Variants in MON2 observed in about 807,000 individuals in gnomAD.
MON2 encodes MON2 regulator of endosome-to-Golgi trafficking.
In MON2, 84 loss-of-function variants were observed where a neutral mutation model predicts 208.6. The observed-to-expected ratio is 0.40, with a 90% CI of 0.34 to 0.48. The LOEUF (loss-of-function observed/expected upper bound fraction) is 0.48, where lower values mean the gene tolerates loss of function less well. MON2 is among the 20% of genes least tolerant of loss of function. MON2 has a pLI of 0.59. For missense variants in MON2, 1,611 were observed against 2,015.4 expected (o/e 0.80, Z 3.84); for synonymous variants, 660 against 694.0 (o/e 0.95, Z 0.77).
chr12:62,549,783 C>A lies in MON2; in HGVS notation c.2869C>A (p.Leu957Ile). Residue 957 changes from leucine (L) to isoleucine (I), a missense_variant, in exon 23 of 35, where the codon CTC becomes ATC. Physicochemically the swap from Leu to Ile is conservative, Grantham distance 5 (BLOSUM62 2). Coordinates refer to ENST00000393630, the MANE Select transcript of MON2 (RefSeq NM_015026.3). ...IVVDVAGSFGLHNQELNISLT... is the reference protein window; with the variant it reads ...IVVDVAGSFGIHNQELNISLT... ...TGTAGATGTTGCAGGTAGCTTTGGC[C>A]TCCATAACCAAGAACTCAATATTAG... 1.2e-6 allele frequency: 2 copies of A among 1,611,962 alleles called. No individual in the cohort carries two copies. The highest frequency in any genetic ancestry group is 2.2e-5 in the South Asian group (2 of 90,672).
At chr12:62,505,949 A>G (rs758339283) in intron 7 of MON2, among the ~76,000 whole-genome samples, 1 of 152,098 alleles carries the variant, frequency 6.6e-6, no homozygotes, top group Non-Finnish European at 1.5e-5. Flanking sequence ...AACTGGAAAG[A>G]CTGGAAAATG....
rs869145698 is a variant in MON2, at chr12:62,534,518, CAAA to C, written c.1634-304_1634-302del. On this transcript the variant is annotated intron_variant, in intron 12 of 34. Transcript: ENST00000393630. ...TGGGCAACAGAGCAAGACTCCATCGCAAAAAAAAAAAAAAAAAAAAAAAAATAT... is the reference window on the plus strand; with the variant it reads ...TGGGCAACAGAGCAAGACTCCATCGCAAAAAAAAAAAAAAAAAAAAAATAT... Among the ~76,000 whole-genome samples, 8 of 67,436 alleles carry C rather than the reference CAAA, an allele frequency of 1.2e-4. No homozygotes were observed. The East Asian group carries it at 1.7e-3, about 14-fold the overall frequency. The allele number at this position is 67,436 out of a possible 152,430, so 44.2% of individuals were successfully genotyped here. A position where few individuals can be genotyped will look rare whatever the true frequency, so the allele number is the denominator to read the frequency against.
At chr12:62,555,882 C>T (rs1029615807) in intron 24 of MON2, 112 bp from the exon 25 acceptor site, 25 of 735,444 alleles carry the variant, frequency 3.4e-5, no homozygotes, top group Non-Finnish European at 5.2e-5. Context: ...ATTGATAAGA[C>T]TGTCAAGTAT....
intron 24 of MON2, 99 bp downstream of exon 24, chr12:62,553,273 T>G: frequency 8.7e-7 from 1 of 1,149,094 alleles, no homozygotes; most frequent in South Asian, 1.7e-5. Context: ...TTAAAGAATT[T>G]CCATGCATTT....
chr12:62,539,324 G>T (rs530268858), intron 19 of MON2, among the ~76,000 whole-genome samples: 2 of 151,138 alleles, frequency 1.3e-5, no homozygotes, highest in East Asian at 3.9e-4. Context: ...CTAGAGTGCA[G>T]TGGCGCAATC....
At chr12:62,529,485 G>C (rs2072514087) in intron 11 of MON2, among the ~76,000 whole-genome samples, 1 of 151,978 alleles carries the variant, frequency 6.6e-6, no homozygotes, top group South Asian at 2.1e-4. Flanking sequence ...TGATGATTCA[G>C]AAACTTTAAG....
At position 62,598,437 on chromosome 12, in the gene MON2, A is replaced by T. The variant is rs1467588591; in HGVS notation, c.*5688A>T. 6.6e-6 allele frequency: 1 copy of T among 152,182 alleles called. No homozygotes were observed. The highest frequency in any genetic ancestry group is 1.5e-5 in the Non-Finnish European group (1 of 68,010). 9.4% of individuals were successfully genotyped at this position (152,182 alleles called of 1,614,324 possible). The stretch of plus-strand genomic sequence containing the variant: ...TCTATGATGTTTACTAGATGGAGAA[A>T]AATACTCCATACCTATATTGCAATT... On this transcript the variant is annotated 3_prime_UTR_variant, in exon 35 of 35. Transcript: ENST00000393630.
At chr12:62,509,703 G>A (rs2071293943) in intron 8 of MON2, among the ~76,000 whole-genome samples, 1 of 152,076 alleles carries the variant, frequency 6.6e-6, no homozygotes, top group Non-Finnish European at 1.5e-5. Flanking sequence ...TATCTTCTGT[G>A]ACCAAAATGG....
chr12:62,541,016 A>G (rs1236134467), intron 19 of MON2, among the ~76,000 whole-genome samples: 6 of 152,214 alleles, frequency 3.9e-5, no homozygotes, highest in Non-Finnish European at 8.8e-5. Context: ...GTGTGGCTTT[A>G]CAGTGATCAG....
chr12:62,479,443 C>A (rs1290850148), intron 1 of MON2, among the ~76,000 whole-genome samples: 4 of 138,722 alleles, frequency 2.9e-5, no homozygotes, highest in Non-Finnish European at 3.2e-5. Context: ...CCCCCCCCCC[C>A]CCAAATATTT....
At chr12:62,469,428 G>C (rs566174774) in intron 1 of MON2, among the ~76,000 whole-genome samples, 9 of 152,300 alleles carry the variant, frequency 5.9e-5, no homozygotes, top group Admixed American at 4.6e-4. Context: ...TAGTCTTTGA[G>C]ATAATAGCAA....
chr12:62,474,255 A>G (rs1336452921), intron 1 of MON2, among the ~76,000 whole-genome samples: 1 of 151,650 alleles, frequency 6.6e-6, no homozygotes, highest in Non-Finnish European at 1.5e-5. Context: ...AGTAGCTGGG[A>G]TTACAGGCGC....
At chr12:62,580,463 T>C (rs2074962773) in intron 32 of MON2, 43 bp downstream of exon 32, 3 of 1,490,864 alleles carry the variant, frequency 2.0e-6, no homozygotes, top group Non-Finnish European at 2.8e-6. Flanking sequence ...TGAAGTACTT[T>C]TGAAGAAACT....
chr12:62,497,576 T>C (rs139934306), intron 4 of MON2, among the ~76,000 whole-genome samples: 37 of 152,270 alleles, frequency 2.4e-4, no homozygotes, highest in African/African-American at 8.9e-4. Flanking sequence ...GGCAGAAGTG[T>C]AAAATTGTAA....
At chr12:62,547,135 AT>A in intron 22 of MON2, 63 bp downstream of exon 22, 1 of 1,117,538 alleles carries the variant, frequency 8.9e-7, no homozygotes, top group Non-Finnish European at 1.2e-6. Context: ...ATAAAATAAA[AT>A]TAACATCAAA....
chr12:62,534,845 T>C lies in MON2; in HGVS notation c.1634T>C (p.Val545Ala). Residue 545 changes from valine to alanine, a missense_variant and splice_region_variant, in exon 13 of 35, where the codon GTT becomes GCT. Coordinates refer to ENST00000393630, the MANE Select transcript of MON2 (RefSeq NM_015026.3). ...ATATTGTATGTTTTTTTCCTTTAAG[T>C]TAGTAGGGCTGTTTGGGAAGAAATG... Reference protein sequence around the residue: ...STSDQMDKEIVSRAVWEEMVN... With the variant: ...STSDQMDKEIASRAVWEEMVN... The C allele has an allele frequency of 1.2e-6, 2 of 1,607,424 alleles. No homozygotes were observed. The highest frequency in any genetic ancestry group is 1.7e-6 in the Non-Finnish European group (2 of 1,174,626).
At chr12:62,537,057 C>T (rs1436239060) in intron 14 of MON2, 94 bp from the exon 15 acceptor site, 1 of 693,070 alleles carries the variant, frequency 1.4e-6, no homozygotes, top group Non-Finnish European at 2.3e-6. Flanking sequence ...AAGTGTATGG[C>T]TAAACTTGGT....
Position 62,596,181 on chromosome 12 carries a change from A to G in MON2, c.*3432A>G, listed in dbSNP as rs989708928. ...AGTTATGGAACAGTGTTAGAAAACA[A>G]CTCAAAAGTATATTCTTTATTAATG... On this transcript the variant is annotated 3_prime_UTR_variant, in exon 35 of 35. Coordinates refer to ENST00000393630, the MANE Select transcript of MON2 (RefSeq NM_015026.3). The G allele has an allele frequency of 6.6e-6, 1 of 152,214 alleles. No homozygotes were observed. The highest frequency in any genetic ancestry group is 2.4e-5 in the African/African-American group (1 of 41,450). 9.4% of individuals were successfully genotyped at this position (152,214 alleles called of 1,614,324 possible).
rs542470874 is a variant in MON2, at chr12:62,525,853, A to T, written c.1247-96A>T. 4.3e-6 allele frequency: 5 copies of T among 1,159,030 alleles called. No homozygotes were observed. In the South Asian group the frequency reaches 5.9e-5, roughly 14 times the overall value. The allele number at this position is 1,159,030 out of a possible 1,614,324, so 71.8% of individuals were successfully genotyped here. A position where few individuals can be genotyped will look rare whatever the true frequency, so the allele number is the denominator to read the frequency against. On this transcript the variant is annotated intron_variant, in intron 10 of 34. Coordinates refer to ENST00000393630, the MANE Select transcript of MON2 (RefSeq NM_015026.3). Reference sequence around the variant, plus strand: ...CAATACCCATTCTGATAGCACAGAAATTTTTTTTAAAGATTGGCCAGGTGT... The same window carrying T: ...CAATACCCATTCTGATAGCACAGAATTTTTTTTTAAAGATTGGCCAGGTGT...
Sources: gnomAD v4.1 joint callset for allele counts (sites outside exome capture counted in the v4.1 genomes callset) on GRCh38, gnomAD v4.1.1 for gene constraint, MANE v1.5 for transcripts, NCBI Gene and HGNC (gene_info 2026-07-23, HGNC 2026-07-21) for gene names.